MVP: variants seen among roughly 807,000 people sequenced by gnomAD.
MVP encodes the protein major vault protein.
In MVP, 62 loss-of-function variants were observed where a neutral mutation model predicts 83.5. The observed-to-expected ratio is 0.74, with a 90% confidence interval of 0.61 to 0.92. MVP has a LOEUF of 0.92. Ranked by LOEUF, MVP falls within the 40% of genes least tolerant of loss-of-function variation. The probability of loss-of-function intolerance (pLI) is 0.00; values close to 1 mark genes in which losing one functional copy is unlikely to be tolerated. For missense variants in MVP, 1,000 were observed against 1,203.4 expected, an observed-to-expected ratio of 0.83 and a Z score of 2.50; for synonymous variants, 505 against 504.1, an observed-to-expected ratio of 1.00 and a Z score of -0.02.
At chr16:29,842,180 A>G in intron 10 of MVP, 68 bp downstream of exon 10, 1 of 1,490,998 alleles carries the variant, frequency 6.7e-7, no homozygotes, top group South Asian at 1.2e-5. Context: ...CTGAGGTGGG[A>G]GGATCACTTG....
In MVP at chr16:29,823,122, CTTTTTTTT is replaced by C. The variant is rs66512916; in HGVS notation, c.-36+2625_-36+2632del. ...TTTTTTTTTCCTTTTCTTTTCTTTT[CTTTTTTTT>C]TTTTTTTTTTTTGAGATGGCCTCAC... On this transcript the variant is annotated intron_variant, in intron 1 of 14. Transcript: ENST00000357402. Among the ~76,000 whole-genome samples the C allele has an allele frequency of 6.1e-5, 6 of 98,506 alleles. No homozygotes were observed. The East Asian group carries it at 1.0e-3, about 17-fold the overall frequency. 64.6% of individuals were successfully genotyped at this position (98,506 alleles called of 152,430 possible).
At chr16:29,842,525 G>C (rs1049541501) in intron 10 of MVP, among the ~76,000 whole-genome samples, 1 of 151,958 alleles carries the variant, frequency 6.6e-6, no homozygotes, top group Non-Finnish European at 1.5e-5. Context: ...GGCTGGTCTC[G>C]AACTCCTGAC....
At chr16:29,830,472 AG>A (rs1184092057) in intron 1 of MVP, 42 bp from the exon 2 acceptor site, 2 of 1,550,082 alleles carry the variant, frequency 1.3e-6, no homozygotes, top group African/African-American at 1.4e-5. Context: ...GCCCCACCCC[AG>A]GCTCCCCAGG....
In MVP at chr16:29,835,717, G is replaced by C; in HGVS notation, c.591G>C (p.Leu197=). The part of the protein sequence containing the change: ...GKERVTGEEW[L]VTTVGAYLPA... ...CTCTTGGCCCAGGGGAAGAATGGCT[G>C]GTCACCACAGTAGGGGCGTACCTCC... Residue 197 remains leucine (L), a synonymous_variant, in exon 6 of 15, where the codon CTG becomes CTC. Transcript: ENST00000357402. 1 of 1,613,732 alleles carries C rather than the reference G, an allele frequency of 6.2e-7. No individual in the cohort carries two copies. The highest frequency in any genetic ancestry group is 8.5e-7 in the Non-Finnish European group (1 of 1,179,904).
intron 3 of MVP, among the ~76,000 whole-genome samples, chr16:29,832,802 C>T (rs183316309): frequency 2.2e-4 from 33 of 151,918 alleles, no homozygotes; most frequent in African/African-American, 6.7e-4. Flanking sequence ...CAGTGGCTCA[C>T]GCCTGTAATC....
intron 1 of MVP, among the ~76,000 whole-genome samples, chr16:29,822,104 A>T (rs1333303448): frequency 8.7e-5 from 12 of 137,626 alleles, no homozygotes; most frequent in Non-Finnish European, 9.7e-5. Context: ...TTTTTTTTTT[A>T]AAGAATTATA....
intron 14 of MVP, 57 bp from the exon 15 acceptor site, chr16:29,847,704 CT>C: frequency 6.5e-7 from 1 of 1,538,422 alleles, no homozygotes; most frequent in South Asian, 1.1e-5. Flanking sequence ...AGGAGGGTCA[CT>C]CTGAAGTGGC....
Position 29,841,910 on chromosome 16 carries a change from T to A in MVP, c.1437-5T>A. The stretch of plus-strand genomic sequence containing the variant: ...TCTGGCTCTGACCCTCGGCTGTCTC[T>A]GCAGCGTGGTCTTCGGGCCTGAGCT... On this transcript the variant is annotated splice_region_variant and splice_polypyrimidine_tract_variant and intron_variant, in intron 9 of 14. Coordinates refer to ENST00000357402, the MANE Select transcript of MVP (RefSeq NM_005115.5). The surrounding 1 kb of genome is among the most constrained non-coding windows in gnomAD (Gnocchi z 4.7). 1 of 1,611,962 alleles carries A rather than the reference T, an allele frequency of 6.2e-7. No homozygotes were observed. Among genetic ancestry groups the A allele is most frequent in the Non-Finnish European group, 8.5e-7 (1 of 1,179,994 alleles).
chr16:29,821,336 G>T (rs528844233), intron 1 of MVP: 1 of 152,370 alleles, frequency 6.6e-6, no homozygotes, highest in East Asian at 1.9e-4. Flanking sequence ...GCACTGGGTC[G>T]GCCCTCGGGT....
intron 7 of MVP, among the ~76,000 whole-genome samples, chr16:29,838,849 A>G (rs2067509761): frequency 6.6e-6 from 1 of 152,124 alleles, no homozygotes; most frequent in African/African-American, 2.4e-5. Flanking sequence ...AAAAATAATG[A>G]CATACGTGCT....
chr16:29,833,547 C>T, intron 3 of MVP, 186 bp from the exon 4 acceptor site: 1 of 534,586 alleles, frequency 1.9e-6, no homozygotes, highest in Non-Finnish European at 3.1e-6. Context: ...TGAGGTCAAG[C>T]AATCCTCCTA....
intron 1 of MVP, 75 bp from the exon 2 acceptor site, chr16:29,830,440 G>C: frequency 7.5e-7 from 1 of 1,331,374 alleles, no homozygotes; most frequent in East Asian, 2.3e-5. Context: ...CCCACCCAGA[G>C]TCTGTCACCA....
At position 29,846,014 on chromosome 16, in the gene MVP, G is replaced by GCCGA. The variant is rs149304548; in HGVS notation, c.2138+36_2138+39dup. The GCCGA allele has an allele frequency of 4.9e-4, 794 of 1,613,492 alleles. 2 individuals are homozygous for GCCGA. In the African/African-American group the frequency reaches 9.7e-3, roughly 20 times the overall value. On this transcript the variant is annotated intron_variant, in intron 12 of 14. Coordinates refer to ENST00000357402, the MANE Select transcript of MVP (RefSeq NM_005115.5). ...GAACTAGAGGAGGAGACTGGCAGGGGCCGAGGGTCTTAGGACAGCAGCTGG... is the reference window on the plus strand; with the variant it reads ...GAACTAGAGGAGGAGACTGGCAGGGGCCGACCGAGGGTCTTAGGACAGCAGCTGG...
chr16:29,821,985 G>A (rs1196358644), intron 1 of MVP, among the ~76,000 whole-genome samples: 1 of 152,190 alleles, frequency 6.6e-6, no homozygotes, highest in Non-Finnish European at 1.5e-5. Flanking sequence ...CAGTACTTTG[G>A]GAGGCCCGAA....
At chr16:29,832,842 A>G (rs2067455316) in intron 3 of MVP, among the ~76,000 whole-genome samples, 1 of 151,960 alleles carries the variant, frequency 6.6e-6, no homozygotes, top group African/African-American at 2.4e-5. Flanking sequence ...AGGTAGGCAG[A>G]TCACTTGAGG....
intron 3 of MVP, among the ~76,000 whole-genome samples, chr16:29,831,353 C>T (rs2067440937): frequency 6.6e-6 from 1 of 152,110 alleles, no homozygotes. Flanking sequence ...AGGGTTTCAC[C>T]ATGTTGGCCA....
Position 29,841,208 on chromosome 16 carries a change from G to A in MVP, c.1192-388G>A, listed in dbSNP as rs968267954. 3.3e-5 allele frequency among the ~76,000 whole-genome samples: 5 copies of A among 152,118 alleles called. No individual in the cohort carries two copies. Among genetic ancestry groups the A allele is most frequent in the South Asian group, 2.1e-4 (1 of 4,832 alleles). Reference sequence around the variant, plus strand: ...CAGCTTGGAATCCGAGGGAGCATCCGTGTACACAGCCTACTTCACCATCCC... The same window carrying A: ...CAGCTTGGAATCCGAGGGAGCATCCATGTACACAGCCTACTTCACCATCCC... On this transcript the variant is annotated intron_variant, in intron 8 of 14. Coordinates refer to ENST00000357402, the MANE Select transcript of MVP (RefSeq NM_005115.5). The surrounding 1 kb of genome is among the most constrained non-coding windows in gnomAD (Gnocchi z 4.7).
chr16:29,829,335 A>T (rs2067425146), intron 1 of MVP, among the ~76,000 whole-genome samples: 1 of 150,820 alleles, frequency 6.6e-6, no homozygotes, highest in Admixed American at 6.6e-5. Context: ...AAAAAAAATT[A>T]GCTAGACATG....
Position 29,847,923 on chromosome 16 carries a change from AT to A in MVP, c.2617del (p.Ser873ProfsTer24). On this transcript the variant is annotated frameshift_variant, in exon 15 of 15. Transcript: ENST00000357402. LOFTEE classifies it low-confidence loss of function (END_TRUNC). The stretch of plus-strand genomic sequence containing the variant: ...GTGGGCCCAGCCCTGGGGAGGGGAT[AT>A]CCCCCCAGTCTGCTCAGGCCCCTCA... ...ASGPSPGEGI[S>X]PQSAQAPQAP... 6.2e-7 allele frequency: 1 copy of A among 1,613,692 alleles called. No individual in the cohort carries two copies. The highest frequency in any genetic ancestry group is 8.5e-7 in the Non-Finnish European group (1 of 1,179,818).
Sources: gnomAD v4.1 joint callset for allele counts (sites outside exome capture counted in the v4.1 genomes callset) on GRCh38, gnomAD v4.1.1 for gene constraint, Gnocchi (gnomAD v3.1) non-coding constraint, MANE v1.5 for transcripts, NCBI Gene and HGNC (gene_info 2026-07-23, HGNC 2026-07-21) for gene names.